Variants in WDR45B observed in about 807,000 individuals in gnomAD.
WDR45B encodes the protein WD repeat domain 45B.
In WDR45B, 20 loss-of-function variants were observed where a neutral mutation model predicts 44.6. That is an observed-to-expected ratio of 0.45 (90% confidence interval 0.32 to 0.65). The LOEUF is 0.65. Among genes scored for constraint, WDR45B ranks in the 30% least tolerant of loss-of-function variants. The probability of loss-of-function intolerance (pLI) is 0.05; values close to 1 mark genes in which losing one functional copy is unlikely to be tolerated. For missense variants in WDR45B, 323 were observed against 430.2 expected (o/e 0.75, Z 2.20); for synonymous variants, 169 against 164.9 (o/e 1.02, Z -0.19).
chr17:82,632,887 C>T (rs1003721700), intron 2 of WDR45B, among the ~76,000 whole-genome samples: 9 of 151,944 alleles, frequency 5.9e-5, no homozygotes, highest in Admixed American at 2.0e-4. Context: ...TTAAAAAATT[C>T]GCCGGCCGCA....
intron 6 of WDR45B, among the ~76,000 whole-genome samples, chr17:82,619,555 G>T (rs1296490026): frequency 7.8e-6 from 1 of 128,772 alleles, no homozygotes; most frequent in African/African-American, 2.9e-5. Context: ...CATCAAAAAG[G>T]TGAGGCAAAA....
At chr17:82,622,726 T>G (rs574708027) in intron 5 of WDR45B, among the ~76,000 whole-genome samples, 68 of 152,234 alleles carry the variant, frequency 4.5e-4, no homozygotes, top group Middle Eastern at 3.4e-3. Context: ...CCAAAAATTT[T>G]TTTTTTTTTT....
chr17:82,617,171 G>A (rs183281066), intron 8 of WDR45B, 125 bp downstream of exon 8: 22 of 828,718 alleles, frequency 2.7e-5, no homozygotes, highest in African/African-American at 6.8e-5. Flanking sequence ...AGATTTCAGC[G>A]CTGATAGCAT....
In WDR45B at chr17:82,616,564, C is replaced by T. The variant is rs2143237084; in HGVS notation, c.888G>A (p.Pro296=). Residue 296 remains proline (P), a synonymous_variant, in exon 9 of 10, where the codon CCG becomes CCA. Transcript: ENST00000392325. The part of the protein sequence containing the change: ...FSKFQVPSGS[P]CICAFGTEPN... ...GCTCTGTTCCAAAGGCACAAATGCA[C>T]GGAGAGCCTGAGGGAACCTGAAACT... 1.9e-6 allele frequency: 3 copies of T among 1,614,074 alleles called. No individual in the cohort carries two copies. Among genetic ancestry groups the T allele is most frequent in the East Asian group, 2.2e-5 (1 of 44,866 alleles).
intron 3 of WDR45B, among the ~76,000 whole-genome samples, chr17:82,628,861 G>A (rs922503092): frequency 6.6e-6 from 1 of 152,044 alleles, no homozygotes; most frequent in Non-Finnish European, 1.5e-5. Context: ...GTAGCCGGGT[G>A]TGGTGGGTGC....
chr17:82,624,001 C>T (rs1179839654), intron 5 of WDR45B, among the ~76,000 whole-genome samples: 3 of 152,056 alleles, frequency 2.0e-5, no homozygotes, highest in Non-Finnish European at 2.9e-5. Context: ...AATAAACGGC[C>T]GCATTTTATA....
At chr17:82,630,840 A>C in intron 3 of WDR45B, 81 bp downstream of exon 3, 15 of 1,301,456 alleles carry the variant, frequency 1.2e-5, no homozygotes, top group African/African-American at 1.5e-5. Flanking sequence ...AAAATCACAC[A>C]TGGCCACAAA....
chr17:82,638,253 AGGGGAGG>A (rs2045864687), intron 2 of WDR45B, among the ~76,000 whole-genome samples: 1 of 5,582 alleles, frequency 1.8e-4, no homozygotes, highest in Non-Finnish European at 2.8e-4. Context: ...AGGGGAGGGG[AGGGGAGG>A]GGAGGGGAGG....
chr17:82,631,262 G>A (rs900241955), intron 2 of WDR45B, among the ~76,000 whole-genome samples: 1 of 149,606 alleles, frequency 6.7e-6, no homozygotes, highest in Non-Finnish European at 1.5e-5. Flanking sequence ...CCAAGTAGCT[G>A]GGAATACAGG....
chr17:82,616,302 T>C (rs1292722142), intron 9 of WDR45B, among the ~76,000 whole-genome samples: 2 of 152,228 alleles, frequency 1.3e-5, no homozygotes, highest in Non-Finnish European at 2.9e-5. Context: ...GTCCCTGTGA[T>C]TTCCTGGGGG....
At chr17:82,619,835 G>A (rs532139970) in intron 6 of WDR45B, among the ~76,000 whole-genome samples, 1 of 152,328 alleles carries the variant, frequency 6.6e-6, no homozygotes, top group South Asian at 2.1e-4. Context: ...GACAAGGCAG[G>A]AGCAGCCTCA....
intron 8 of WDR45B, 59 bp downstream of exon 8, chr17:82,617,237 A>C: frequency 6.5e-7 from 1 of 1,530,998 alleles, no homozygotes; most frequent in Non-Finnish European, 9.0e-7. Flanking sequence ...GTCCACACTG[A>C]AACACTGGGG....
chr17:82,625,663 G>A, intron 4 of WDR45B, 180 bp from the exon 5 acceptor site: 2 of 642,048 alleles, frequency 3.1e-6, no homozygotes, highest in Middle Eastern at 3.9e-4. Flanking sequence ...CTCGGCGAGT[G>A]CACGTGGGCT....
At chr17:82,646,932 T>C (rs2045985620) in intron 1 of WDR45B, among the ~76,000 whole-genome samples, 1 of 152,044 alleles carries the variant, frequency 6.6e-6, no homozygotes, top group African/African-American at 2.4e-5. Context: ...AGGGAGTTCT[T>C]TCAAATATGT....
rs149112286 is a variant in WDR45B, at chr17:82,643,859, C to A, written c.142+90G>T. ...ACCCTATTTACTTCTCGAAAACAGC[C>A]ATCCCTTCCCTGCTCCACCTGCAAG... On this transcript the variant is annotated intron_variant, in intron 2 of 9. Transcript: ENST00000392325. The A allele has an allele frequency of 3.9e-6, 5 of 1,283,882 alleles. No homozygotes were observed. The East Asian group carries it at 1.2e-4, about 32-fold the overall frequency. 79.5% of individuals were successfully genotyped at this position (1,283,882 alleles called of 1,614,324 possible). A position where few individuals can be genotyped will look rare whatever the true frequency, so the allele number is the denominator to read the frequency against.
intron 3 of WDR45B, among the ~76,000 whole-genome samples, chr17:82,629,141 A>C (rs1180146797): frequency 3.9e-5 from 6 of 152,242 alleles, no homozygotes; most frequent in African/African-American, 1.4e-4. Flanking sequence ...ACCTCTTAGA[A>C]ACTTTATAAT....
rs112927543 is a variant in WDR45B at position 82,623,429 on chromosome 17, C to T, written c.428-1630G>A. Among the ~76,000 whole-genome samples the T allele has an allele frequency of 6.3e-3, 926 of 147,536 alleles. 10 individuals are homozygous for T. The highest frequency in any genetic ancestry group is 0.021 in the African/African-American group (856 of 39,946). Reference sequence around the variant, plus strand: ...CAAACAAAAAAAATGGGGCTGGGCGCGGTGGCTCACGCCTGTAATCCCAGC... The same window carrying T: ...CAAACAAAAAAAATGGGGCTGGGCGTGGTGGCTCACGCCTGTAATCCCAGC... On this transcript the variant is annotated intron_variant, in intron 5 of 9. Coordinates refer to ENST00000392325, the MANE Select transcript of WDR45B (RefSeq NM_019613.4).
intron 6 of WDR45B, among the ~76,000 whole-genome samples, chr17:82,620,937 T>C (rs778782069): frequency 1.3e-5 from 2 of 152,216 alleles, no homozygotes; most frequent in East Asian, 1.9e-4. Context: ...CTGTGTGTTA[T>C]CAGGCTGTGA....
intron 2 of WDR45B, among the ~76,000 whole-genome samples, chr17:82,640,353 CT>C (rs1185316610): frequency 0.027 from 3,785 of 139,994 alleles, 132 homozygotes; most frequent in African/African-American, 0.083. Context: ...GGATTTTTTT[CT>C]TTTTTTTTTT....
Sources: allele counts gnomAD v4.1 joint callset (sites outside exome capture counted in the v4.1 genomes callset), GRCh38; gene constraint gnomAD v4.1.1; transcripts MANE v1.5; gene names NCBI Gene and HGNC (gene_info 2026-07-23, HGNC 2026-07-21).